P3H4: variants seen among roughly 807,000 people sequenced by gnomAD.
P3H4 encodes prolyl 3-hydroxylase family member 4 (inactive).
Under a neutral mutation model 52.9 loss-of-function variants are expected in P3H4, and 47 were observed. The observed-to-expected ratio is 0.89, with a 90% CI of 0.70 to 1.13. P3H4 has a LOEUF of 1.13. Ranked by LOEUF, P3H4 falls within the 50% of genes most tolerant of loss-of-function variation. The probability of loss-of-function intolerance (pLI) is 0.00; values close to 1 mark genes in which losing one functional copy is unlikely to be tolerated. For synonymous variants in P3H4, 256 were observed against 267.9 expected (o/e 0.96, Z 0.44); for missense variants, 585 against 611.0 (o/e 0.96, Z 0.45).
chr17:41,811,636 C>A lies in P3H4; in HGVS notation c.280G>T (p.Gly94Cys). The A allele has an allele frequency of 6.9e-7, 1 of 1,458,978 alleles. No individual in the cohort carries two copies. Among genetic ancestry groups the A allele is most frequent in the South Asian group, 1.4e-5 (1 of 70,372 alleles). The allele number at this position is 1,458,978 out of a possible 1,614,324, so 90.4% of individuals were successfully genotyped here. A position where few individuals can be genotyped will look rare whatever the true frequency, so the allele number is the denominator to read the frequency against. The change falls in exon 1 of 8, where the codon GGC becomes TGC. Residue 94 changes from glycine to cysteine, a missense_variant. By Grantham distance (159) the Gly-to-Cys change is radical (BLOSUM62 -3). Transcript: ENST00000393928. This position sits in a 1 kb window ranked among gnomAD's most constrained non-coding sequence, Gnocchi z 4.8. Reference sequence around the variant, plus strand: ...TCGCAGGCCCACTCGTCTGCGCGGCCGCCGTCGGGATCGGGCTTGGCCGCG... The same window carrying A: ...TCGCAGGCCCACTCGTCTGCGCGGCAGCCGTCGGGATCGGGCTTGGCCGCG... ...APAAKPDPDG[G>C]RADEWACELR... is the part of the protein sequence containing the mutation.
Position 41,811,293 on chromosome 17 carries a change from G to T in P3H4, c.463-9C>A, listed in dbSNP as rs376912773. 1.2e-6 allele frequency: 2 copies of T among 1,612,172 alleles called. No homozygotes were observed. Among genetic ancestry groups the T allele is most frequent in the Non-Finnish European group, 1.7e-6 (2 of 1,179,914 alleles). ...TTCTCCAGCCGGTTAGCCTGGTCGG[G>T]GGGTAGGGGGTGGGGGAGCGGGTCA... On this transcript the variant is annotated splice_polypyrimidine_tract_variant and intron_variant, in intron 1 of 7. Transcript: ENST00000393928. The surrounding 1 kb of genome is among the most constrained non-coding windows in gnomAD (Gnocchi z 4.8).
intron 6 of P3H4, among the ~76,000 whole-genome samples, chr17:41,804,868 G>A (rs1201797630): frequency 3.3e-5 from 5 of 152,024 alleles, no homozygotes; most frequent in African/African-American, 1.2e-4. Flanking sequence ...CAGCTACTCG[G>A]AGGCTGAGAC....
Position 41,811,641 on chromosome 17 carries a change from T to C in P3H4, c.275A>G (p.Asp92Gly), listed in dbSNP as rs2144034511. The C allele has an allele frequency of 6.9e-7, 1 of 1,454,602 alleles. No homozygotes were observed. The highest frequency in any genetic ancestry group is 2.8e-5 in the East Asian group (1 of 35,656). 90.1% of individuals were successfully genotyped at this position (1,454,602 alleles called of 1,614,324 possible). A position where few individuals can be genotyped will look rare whatever the true frequency, so the allele number is the denominator to read the frequency against. The change falls in exon 1 of 8, where the codon GAC (aspartate) becomes GGC (glycine). Residue 92 changes from aspartate to glycine, a missense_variant. Transcript: ENST00000393928. The surrounding 1 kb of genome is among the most constrained non-coding windows in gnomAD (Gnocchi z 4.8). ...GPAPAAKPDPDGGRADEWACE... is the reference protein window; with the variant it reads ...GPAPAAKPDPGGGRADEWACE... The stretch of plus-strand genomic sequence containing the variant: ...GGCCCACTCGTCTGCGCGGCCGCCG[T>C]CGGGATCGGGCTTGGCCGCGGGCGC...
At position 41,811,731 on chromosome 17, in the gene P3H4, G is replaced by A. The variant is rs782411275; in HGVS notation, c.185C>T (p.Ala62Val). 7.9e-6 allele frequency: 12 copies of A among 1,511,336 alleles called. No individual in the cohort carries two copies. The South Asian group carries it at 1.4e-4, about 17-fold the overall frequency. 93.6% of individuals were successfully genotyped at this position (1,511,336 alleles called of 1,614,324 possible). ...WRESARYLEA[A>V]LRLHRLLRDS... Reference sequence around the variant, plus strand: ...GCGCAGGAGCCGGTGCAGCCGCAGCGCCGCCTCCAGGTAGCGCGCGCTCTC... The same window carrying A: ...GCGCAGGAGCCGGTGCAGCCGCAGCACCGCCTCCAGGTAGCGCGCGCTCTC... The change falls in exon 1 of 8, where the codon GCG (alanine) becomes GTG (valine). Residue 62 changes from alanine to valine, a missense_variant. By Grantham distance (64) the Ala-to-Val change is moderately conservative. Coordinates refer to ENST00000393928, the MANE Select transcript of P3H4 (RefSeq NM_006455.3). This position sits in a 1 kb window ranked among gnomAD's most constrained non-coding sequence, Gnocchi z 4.8.
intron 3 of P3H4, 119 bp downstream of exon 3, chr17:41,810,744 G>A: frequency 1.6e-6 from 2 of 1,273,528 alleles, no homozygotes; most frequent in Non-Finnish European, 1.1e-6. Context: ...CAACAGACAA[G>A]GCCTTCCTCC....
chr17:41,807,571 C>T (rs893691814), intron 5 of P3H4: 2 of 206,288 alleles, frequency 9.7e-6, no homozygotes, highest in Admixed American at 5.7e-5. Context: ...GATCTCCGCT[C>T]ACTGCAAGCT....
chr17:41,811,806 G>T lies in P3H4; in HGVS notation c.110C>A (p.Ala37Asp). ...GFPPEDLMPLAAAYGHALEQY... is the reference protein window; with the variant it reads ...GFPPEDLMPLDAAYGHALEQY... ...CTCCAGAGCGTGCCCGTACGCCGCGGCCAGCGGCATCAGGTCCTCGGGCGG... is the reference window on the plus strand; with the variant it reads ...CTCCAGAGCGTGCCCGTACGCCGCGTCCAGCGGCATCAGGTCCTCGGGCGG... The change falls in exon 1 of 8, where the codon GCC (alanine) becomes GAC (aspartate). Residue 37 changes from alanine (A) to aspartate (D), a missense_variant. Transcript: ENST00000393928. This position sits in a 1 kb window ranked among gnomAD's most constrained non-coding sequence, Gnocchi z 4.8. 2 of 1,536,042 alleles carry T rather than the reference G, an allele frequency of 1.3e-6. No homozygotes were observed. Among genetic ancestry groups the T allele is most frequent in the Non-Finnish European group, 1.7e-6 (2 of 1,152,932 alleles).
intron 3 of P3H4, 65 bp from the exon 4 acceptor site, chr17:41,809,899 G>A (rs1014812947): frequency 1.9e-6 from 3 of 1,568,736 alleles, no homozygotes; most frequent in Admixed American, 3.5e-5. Flanking sequence ...CCCCAGTGGA[G>A]AAGACTCTAA....
intron 4 of P3H4, among the ~76,000 whole-genome samples, chr17:41,809,379 G>A (rs2047705634): frequency 6.6e-6 from 1 of 152,156 alleles, no homozygotes; most frequent in Non-Finnish European, 1.5e-5. Flanking sequence ...TCGTGCCCCT[G>A]CACTCTAGCC....
chr17:41,806,197 C>T (rs539312622), intron 6 of P3H4, among the ~76,000 whole-genome samples: 25 of 151,092 alleles, frequency 1.7e-4, no homozygotes, highest in Non-Finnish European at 2.8e-4. Context: ...CCAGCCTGGG[C>T]GGCAGAGCGA....
At position 41,807,912 on chromosome 17, in the gene P3H4, G is replaced by A. The variant is rs375672047; in HGVS notation, c.1009C>T (p.Arg337Trp). Residue 337 changes from arginine (R) to tryptophan (W), a missense_variant, in exon 5 of 8, where the codon CGG becomes TGG. By Grantham distance (101) the Arg-to-Trp change is moderately radical (BLOSUM62 -3). Coordinates refer to ENST00000393928, the MANE Select transcript of P3H4 (RefSeq NM_006455.3). ...AGGCCCCAGCGAGCCCGGTGGAACC[G>A]GTAATACACCAGGTTCTGCTGCATG... ...SVMQQNLVYYRFHRARWGLEE... is the reference protein window; with the variant it reads ...SVMQQNLVYYWFHRARWGLEE... 1.6e-5 allele frequency: 26 copies of A among 1,614,136 alleles called. No individual in the cohort carries two copies. Among genetic ancestry groups the A allele is most frequent in the African/African-American group, 4.0e-5 (3 of 75,062 alleles).
chr17:41,803,063 G>A lies in P3H4; in HGVS notation c.1292-84C>T, dbSNP rs73305750. The stretch of plus-strand genomic sequence containing the variant: ...CAGGTGCTGTCCTGATGGGAGGTGG[G>A]GTGAGGCTCCCCCGGACAGGTCTCA... On this transcript the variant is annotated intron_variant, in intron 7 of 7. Transcript: ENST00000393928. 4,083 of 1,519,722 alleles carry A rather than the reference G, an allele frequency of 2.7e-3. 107 individuals are homozygous for A. In the African/African-American group the frequency reaches 0.051, roughly 19 times the overall value. The allele number at this position is 1,519,722 out of a possible 1,614,324, so 94.1% of individuals were successfully genotyped here. A position where few individuals can be genotyped will look rare whatever the true frequency, so the allele number is the denominator to read the frequency against.
chr17:41,807,684 G>A (rs2047687670), intron 5 of P3H4, among the ~76,000 whole-genome samples, 175 bp downstream of exon 5: 1 of 151,962 alleles, frequency 6.6e-6, no homozygotes, highest in African/African-American at 2.4e-5. Flanking sequence ...CTTTTCAGTA[G>A]AGACGGGGTT....
At chr17:41,805,055 G>A (rs1253022685) in intron 6 of P3H4, among the ~76,000 whole-genome samples, 1 of 152,036 alleles carries the variant, frequency 6.6e-6, no homozygotes, top group Non-Finnish European at 1.5e-5. Context: ...GGAGGCCGAG[G>A]TGGGTGGATC....
At chr17:41,803,174 G>A in intron 7 of P3H4, 113 bp downstream of exon 7, 1 of 1,489,402 alleles carries the variant, frequency 6.7e-7, no homozygotes, top group Non-Finnish European at 9.0e-7. Context: ...CCTGGAGGAT[G>A]GGCCCCAGCA....
chr17:41,809,925 A>G lies in P3H4; in HGVS notation c.788-91T>C. The G allele has an allele frequency of 2.8e-5, 41 of 1,461,362 alleles. 2 individuals carry two copies. In the South Asian group the frequency reaches 5.2e-4, roughly 19 times the overall value. The allele number at this position is 1,461,362 out of a possible 1,614,324, so 90.5% of individuals were successfully genotyped here. A position where few individuals can be genotyped will look rare whatever the true frequency, so the allele number is the denominator to read the frequency against. On this transcript the variant is annotated intron_variant, in intron 3 of 7. Transcript: ENST00000393928. ...AAGACTCTAAATCCAATCTCTGCCT[A>G]CTAAGCCAAGCTGCTTGTCCAGAAA...
At chr17:41,803,071 T>A in intron 7 of P3H4, 92 bp from the exon 8 acceptor site, 1 of 1,505,300 alleles carries the variant, frequency 6.6e-7, no homozygotes, top group East Asian at 2.3e-5. Flanking sequence ...GGGGTGAGGC[T>A]CCCCCGGACA....
At position 41,811,571 on chromosome 17, in the gene P3H4, G is replaced by A. The variant is rs782494560; in HGVS notation, c.345C>T (p.Cys115=). Residue 115 remains cysteine (C), a synonymous_variant, in exon 1 of 8, where the codon TGC becomes TGT. Coordinates refer to ENST00000393928, the MANE Select transcript of P3H4 (RefSeq NM_006455.3). This position sits in a 1 kb window ranked among gnomAD's most constrained non-coding sequence, Gnocchi z 4.8. ...GCAGCGTCCGCTTGCAGCGCCGCAG[G>A]CAGGCGGCTCGCTCCAGGACGCGGC... ...LFGRVLERAA[C]LRRCKRTLPA... 1.2e-6 allele frequency: 2 copies of A among 1,604,140 alleles called. No individual in the cohort carries two copies. Among genetic ancestry groups the A allele is most frequent in the South Asian group, 1.1e-5 (1 of 90,158 alleles).
chr17:41,805,577 G>A (rs529433339), intron 6 of P3H4, among the ~76,000 whole-genome samples: 13 of 151,976 alleles, frequency 8.6e-5, no homozygotes, highest in East Asian at 2.0e-4. Flanking sequence ...CCTCTGCCTC[G>A]GCCTCCCAAA....
Sources: gnomAD v4.1 joint callset for allele counts (sites outside exome capture counted in the v4.1 genomes callset) on GRCh38, gnomAD v4.1.1 for gene constraint, Gnocchi (gnomAD v3.1) non-coding constraint, MANE v1.5 for transcripts, NCBI Gene and HGNC (gene_info 2026-07-23, HGNC 2026-07-21) for gene names.